C12orf42: variants seen among roughly 807,000 people sequenced by gnomAD.
C12orf42 encodes the protein chromosome 12 open reading frame 42, also known as uncharacterized protein C12orf42.
C12orf42 carries 25 observed loss-of-function variants against 21.6 expected under a neutral mutation model. The observed-to-expected ratio is 1.16, with a 90% CI of 0.84 to 1.62. The LOEUF is 1.62. Among genes scored for constraint, C12orf42 ranks in the 40% most tolerant of loss-of-function variants. C12orf42 has a pLI of 0.00. For synonymous variants in C12orf42, 174 were observed against 175.0 expected (o/e 0.99, Z 0.05); for missense variants, 483 against 459.3 (o/e 1.05, Z -0.47).
At chr12:103,339,013 T>C (rs1566106789) in intron 4 of C12orf42, among the ~76,000 whole-genome samples, 1 of 152,226 alleles carries the variant, frequency 6.6e-6, no homozygotes, top group Non-Finnish European at 1.5e-5. Context: ...TTCATTCACA[T>C]TAACATAAAT....
At chr12:103,296,692 C>T (rs1443277811) in intron 4 of C12orf42, among the ~76,000 whole-genome samples, 2 of 152,168 alleles carry the variant, frequency 1.3e-5, no homozygotes, top group African/African-American at 4.8e-5. Flanking sequence ...ATCCTTCACT[C>T]ACTTGTTGAT....
upstream of C12orf42, among the ~76,000 whole-genome samples, chr12:103,500,615 A>T (rs1324598134): frequency 6.6e-6 from 1 of 152,246 alleles, no homozygotes; most frequent in Non-Finnish European, 1.5e-5. Flanking sequence ...AAAAACTATA[A>T]ATATTAATCA....
intron 3 of C12orf42, among the ~76,000 whole-genome samples, chr12:103,399,020 A>C (rs990520511): frequency 6.6e-6 from 1 of 151,676 alleles, no homozygotes; most frequent in Non-Finnish European, 1.5e-5. Context: ...TATGCATACT[A>C]TCTCTTCATT....
chr12:103,362,616 G>C (rs1442995797), intron 4 of C12orf42, among the ~76,000 whole-genome samples: 1 of 150,992 alleles, frequency 6.6e-6, no homozygotes, highest in East Asian at 2.0e-4. Context: ...AGAAATGAAG[G>C]GAGAAATCCT....
the C12orf42 span, among the ~76,000 whole-genome samples, chr12:103,049,950 A>C: frequency 6.6e-6 from 1 of 151,548 alleles, no homozygotes; most frequent in Non-Finnish European, 1.5e-5. Flanking sequence ...TGTCTAAAGC[A>C]CTCCTTCCAT....
chr12:103,225,114 G>C, the C12orf42 span, among the ~76,000 whole-genome samples: 464 of 152,318 alleles, frequency 3.0e-3, 2 homozygotes, highest in African/African-American at 0.01. Flanking sequence ...AAAGCAAAGA[G>C]AGGCTGGGAC....
the C12orf42 span, among the ~76,000 whole-genome samples, chr12:103,167,879 C>T: frequency 2.2e-5 from 3 of 134,100 alleles, no homozygotes; most frequent in Non-Finnish European, 3.1e-5. Flanking sequence ...GAGGGGTGGG[C>T]GTGTGTGTGT....
At chr12:103,056,706 C>A in the C12orf42 span, among the ~76,000 whole-genome samples, 1 of 152,024 alleles carries the variant, frequency 6.6e-6, no homozygotes, top group Non-Finnish European at 1.5e-5. Context: ...GATCACTGAT[C>A]CTTTTTTCTA....
At chr12:103,154,620 A>G in the C12orf42 span, among the ~76,000 whole-genome samples, 1 of 152,186 alleles carries the variant, frequency 6.6e-6, no homozygotes, top group Non-Finnish European at 1.5e-5. Context: ...GACCAAAATA[A>G]TAATAGCAAC....
rs1242265415 is a variant in C12orf42 at position 103,495,930 on chromosome 12, C to T, written c.-50G>A. The T allele has an allele frequency of 6.6e-6, 1 of 152,346 alleles. No homozygotes were observed. Among genetic ancestry groups the T allele is most frequent in the East Asian group, 1.9e-4 (1 of 5,174 alleles). The allele number at this position is 152,346 out of a possible 1,614,324, so 9.4% of individuals were successfully genotyped here. A position where few individuals can be genotyped will look rare whatever the true frequency, so the allele number is the denominator to read the frequency against. On this transcript the variant is annotated 5_prime_UTR_variant, in exon 1 of 6. Transcript: ENST00000548883. ...GAGCTGCAGGGTCCCTATCCCGGGGCGCCGCCCGCAGCCTCCTCCGCGGGA... is the reference window on the plus strand; with the variant it reads ...GAGCTGCAGGGTCCCTATCCCGGGGTGCCGCCCGCAGCCTCCTCCGCGGGA...
intron 4 of C12orf42, among the ~76,000 whole-genome samples, chr12:103,341,235 G>A (rs2137244309): frequency 6.6e-6 from 1 of 151,766 alleles, no homozygotes; most frequent in African/African-American, 2.4e-5. Flanking sequence ...ATGCCTGTAA[G>A]TCCCAGCTAC....
chr12:103,388,204 G>A (rs1488676655), intron 3 of C12orf42, among the ~76,000 whole-genome samples: 1 of 152,108 alleles, frequency 6.6e-6, no homozygotes, highest in Non-Finnish European at 1.5e-5. Context: ...CATCTGCTAG[G>A]CCATTCCTGG....
At chr12:103,539,859 A>G in the C12orf42 span, among the ~76,000 whole-genome samples, 2 of 152,038 alleles carry the variant, frequency 1.3e-5, no homozygotes, top group East Asian at 1.9e-4. Flanking sequence ...GACTACAGGC[A>G]TGAGCCAACG....
chr12:103,412,489 C>T (rs1482475637), intron 2 of C12orf42, among the ~76,000 whole-genome samples: 2 of 152,074 alleles, frequency 1.3e-5, no homozygotes, highest in African/African-American at 2.4e-5. Flanking sequence ...GCCAACATGG[C>T]AAAACCCTGT....
chr12:103,353,854 T>A (rs2043304386), intron 4 of C12orf42, among the ~76,000 whole-genome samples: 1 of 151,754 alleles, frequency 6.6e-6, no homozygotes, highest in Non-Finnish European at 1.5e-5. Context: ...CCTGAAAGAG[T>A]CCTGTCGGCA....
downstream of C12orf42, among the ~76,000 whole-genome samples, chr12:103,264,514 G>T (rs2035068674): frequency 6.6e-6 from 1 of 152,072 alleles, no homozygotes; most frequent in Admixed American, 6.6e-5. Context: ...CACATGATAG[G>T]TCCCCTATAA....
chr12:103,195,416 G>C, the C12orf42 span, among the ~76,000 whole-genome samples: 1 of 152,108 alleles, frequency 6.6e-6, no homozygotes, highest in Non-Finnish European at 1.5e-5. Context: ...CATCAGCAAT[G>C]TATAAGCATC....
the C12orf42 span, among the ~76,000 whole-genome samples, chr12:103,149,665 A>C: frequency 6.6e-6 from 1 of 152,010 alleles, no homozygotes; most frequent in Non-Finnish European, 1.5e-5. Flanking sequence ...CCCTTCTCGC[A>C]CTTCTCCCTC....
chr12:103,371,173 T>G (rs2045192791), intron 3 of C12orf42, among the ~76,000 whole-genome samples: 1 of 152,112 alleles, frequency 6.6e-6, no homozygotes, highest in Non-Finnish European at 1.5e-5. Flanking sequence ...GGTAAGGTTT[T>G]CATCTTGTCA....
Sources: allele counts gnomAD v4.1 joint callset (sites outside exome capture counted in the v4.1 genomes callset), GRCh38; gene constraint gnomAD v4.1.1; transcripts MANE v1.5; gene names NCBI Gene and HGNC (gene_info 2026-07-23, HGNC 2026-07-21).